UBR1: variants seen among roughly 807,000 people sequenced by gnomAD.
UBR1 encodes ubiquitin protein ligase E3 component n-recognin 1, also known as E3 ubiquitin-protein ligase UBR1.
UBR1 carries 102 observed loss-of-function variants against 242.1 expected under a neutral mutation model. The ratio of observed to expected loss-of-function variants is 0.42; its 90% CI spans 0.36 to 0.50. The LOEUF (loss-of-function observed/expected upper bound fraction) is 0.50, where lower values mean the gene tolerates loss of function less well. Among genes scored for constraint, UBR1 ranks in the 20% least tolerant of loss-of-function variants. The pLI, the probability that UBR1 is intolerant of heterozygous loss-of-function variation, is 0.01. For synonymous variants in UBR1, 675 were observed against 684.8 expected (o/e 0.99, Z 0.22); for missense variants, 1,772 against 2,101.8 (o/e 0.84, Z 3.07).
intron 3 of UBR1, among the ~76,000 whole-genome samples, chr15:43,076,396 C>G (rs544142510): frequency 1.3e-5 from 2 of 152,060 alleles, no homozygotes; most frequent in East Asian, 3.9e-4. Flanking sequence ...TCTGCACGGC[C>G]GCCACCCCGT....
intron 34 of UBR1, 22 bp from the exon 35 acceptor site, chr15:42,988,989 T>G: frequency 6.3e-7 from 1 of 1,577,216 alleles, no homozygotes; most frequent in Non-Finnish European, 8.7e-7. Context: ...ACAAGAAAAT[T>G]TGTATGATTT....
intron 12 of UBR1, among the ~76,000 whole-genome samples, chr15:43,049,603 A>G (rs1355342008): frequency 6.6e-6 from 1 of 152,136 alleles, no homozygotes; most frequent in Admixed American, 6.5e-5. Context: ...AACAAAGAAA[A>G]TACATTTTTT....
intron 33 of UBR1, among the ~76,000 whole-genome samples, chr15:42,996,845 C>T (rs151198381): frequency 1.3e-5 from 2 of 152,122 alleles, no homozygotes; most frequent in African/African-American, 2.4e-5. Context: ...GAGTAGAATA[C>T]CTAGAAATAT....
intron 44 of UBR1, among the ~76,000 whole-genome samples, chr15:42,953,823 T>G (rs2031872815): frequency 6.6e-6 from 1 of 152,016 alleles, no homozygotes; most frequent in Admixed American, 6.6e-5. Flanking sequence ...ATCCTCATTG[T>G]GATTAATAAA....
intron 15 of UBR1, among the ~76,000 whole-genome samples, chr15:43,039,424 T>C (rs1199662166): frequency 3.3e-5 from 5 of 152,172 alleles, no homozygotes; most frequent in Non-Finnish European, 7.3e-5. Flanking sequence ...CTAGGTATTT[T>C]ATTCTCTTTG....
Position 42,962,350 on chromosome 15 carries a change from T to C in UBR1, c.4700+1585A>G, listed in dbSNP as rs77089640. On this transcript the variant is annotated intron_variant, in intron 42 of 46. Transcript: ENST00000290650. ...GGAACAAAAGGAAACAGCGGTATCA[T>C]GGAGCCCAGAGGCTAGGGACACCAG... Among the ~76,000 whole-genome samples, 1,306 of 152,266 alleles carry C rather than the reference T, an allele frequency of 8.6e-3. 57 individuals carry two copies. Among genetic ancestry groups the C allele is most frequent in the Admixed American group, 0.071 (1,080 of 15,302 alleles).
intron 1 of UBR1, among the ~76,000 whole-genome samples, chr15:43,097,788 G>C (rs992226620): frequency 2.0e-5 from 3 of 152,192 alleles, no homozygotes; most frequent in Non-Finnish European, 4.4e-5. Context: ...ATTAGGTTTT[G>C]CCTTAAGGGA....
chr15:43,007,081 C>A lies in UBR1; in HGVS notation c.3413G>T (p.Gly1138Val), dbSNP rs1192072036. Reference protein sequence around the residue: ...QHRGKPIELSGEALDPLFMDP... With the variant: ...QHRGKPIELSVEALDPLFMDP... ...GATATTTATTAAATAATACATACCTCCTGAGAGTTCTATGGGTTTTCCCCT... is the reference window on the plus strand; with the variant it reads ...GATATTTATTAAATAATACATACCTACTGAGAGTTCTATGGGTTTTCCCCT... Residue 1138 changes from glycine (G) to valine (V), a missense_variant and splice_region_variant, in exon 30 of 47, where the codon GGA becomes GTA. Transcript: ENST00000290650. 4 of 1,613,990 alleles carry A rather than the reference C, an allele frequency of 2.5e-6. No homozygotes were observed. Among genetic ancestry groups the A allele is most frequent in the Non-Finnish European group, 3.4e-6 (4 of 1,179,922 alleles).
intron 14 of UBR1, among the ~76,000 whole-genome samples, chr15:43,044,395 C>T (rs568467135): frequency 2.6e-5 from 4 of 152,066 alleles, no homozygotes; most frequent in African/African-American, 9.7e-5. Flanking sequence ...AGAATGAACC[C>T]ATAGAAAATA....
intron 1 of UBR1, among the ~76,000 whole-genome samples, chr15:43,089,658 T>C (rs141542121): frequency 2.0e-3 from 299 of 152,286 alleles, no homozygotes; most frequent in African/African-American, 7.0e-3. Flanking sequence ...GGTCTTGAAC[T>C]CTTGGGCTCA....
At chr15:43,034,451 A>C (rs973752821) in intron 19 of UBR1, among the ~76,000 whole-genome samples, 18 of 151,906 alleles carry the variant, frequency 1.2e-4, no homozygotes, top group Non-Finnish European at 1.9e-4. Context: ...AAAACAATTA[A>C]TAAATAAATA....
chr15:42,949,644 C>T (rs2031796095), intron 46 of UBR1, among the ~76,000 whole-genome samples: 1 of 149,990 alleles, frequency 6.7e-6, no homozygotes, highest in Admixed American at 6.6e-5. Context: ...ACTAAAAATA[C>T]AAAAATTAGC....
At position 42,970,389 on chromosome 15, in the gene UBR1, C is replaced by T. The variant is rs2032184220; in HGVS notation, c.4457+131G>A. On this transcript the variant is annotated intron_variant, in intron 40 of 46. Coordinates refer to ENST00000290650, the MANE Select transcript of UBR1 (RefSeq NM_174916.3). ...AATGTAAGACCTAAACCATAAAAAC[C>T]CTACAAGAAAACCTAGGCAATAACT... 1.2e-5 allele frequency: 11 copies of T among 954,108 alleles called. No homozygotes were observed. The East Asian group carries it at 2.7e-4, about 23-fold the overall frequency. The allele number at this position is 954,108 out of a possible 1,614,324, so 59.1% of individuals were successfully genotyped here. A position where few individuals can be genotyped will look rare whatever the true frequency, so the allele number is the denominator to read the frequency against.
At chr15:43,099,569 G>T (rs1226433448) in intron 1 of UBR1, among the ~76,000 whole-genome samples, 1 of 152,092 alleles carries the variant, frequency 6.6e-6, no homozygotes, top group Admixed American at 6.6e-5. Context: ...ACATTTTATT[G>T]TATGTAAATT....
At chr15:42,990,154 A>G (rs370340985) in intron 33 of UBR1, 34 bp from the exon 34 acceptor site, 1 of 1,441,770 alleles carries the variant, frequency 6.9e-7, no homozygotes, top group African/African-American at 1.4e-5. Context: ...AAGAAAAATC[A>G]TGAATGAGTT....
At chr15:43,039,645 C>G (rs557077320) in intron 15 of UBR1, among the ~76,000 whole-genome samples, 14 of 152,176 alleles carry the variant, frequency 9.2e-5, no homozygotes, top group Non-Finnish European at 1.8e-4. Flanking sequence ...TTGACTTCCT[C>G]TTTTCCTAAC....
intron 1 of UBR1, among the ~76,000 whole-genome samples, chr15:43,090,696 C>T (rs2034096039): frequency 6.6e-6 from 1 of 150,990 alleles, no homozygotes; most frequent in Admixed American, 6.6e-5. Flanking sequence ...ATAAGAGGCA[C>T]AGAACTAGCT....
chr15:43,009,823 AATC>A (rs2032890733), intron 29 of UBR1, among the ~76,000 whole-genome samples: 2 of 152,228 alleles, frequency 1.3e-5, no homozygotes, highest in African/African-American at 4.8e-5. Context: ...AATAAATATT[AATC>A]ATCATATATA....
chr15:43,007,196 G>C lies in UBR1; in HGVS notation c.3298C>G (p.Leu1100Val). 6.2e-7 allele frequency: 1 copy of C among 1,614,096 alleles called. No individual in the cohort carries two copies. Among genetic ancestry groups the C allele is most frequent in the African/African-American group, 1.3e-5 (1 of 75,014 alleles). ...TTCACCTCCTGTTCTTCTTGGCAAA[G>C]GATGCACGTCAGCACCTCCTTTTCA... ...VTEKEVLTCI[L>V]CQEEQEVKIE... is the part of the protein sequence containing the mutation. The change falls in exon 30 of 47, where the codon CTT (leucine) becomes GTT (valine). Residue 1100 changes from leucine (L) to valine (V), a missense_variant. Around this residue, in one of 3 missense-constraint regions of UBR1, gnomAD observed 965 missense variants for 1,079.7 expected, o/e 0.89. Coordinates refer to ENST00000290650, the MANE Select transcript of UBR1 (RefSeq NM_174916.3).
Sources: gnomAD v4.1 joint callset for allele counts (sites outside exome capture counted in the v4.1 genomes callset) on GRCh38, gnomAD v4.1.1 for gene constraint, gnomAD v4.1.1 regional missense constraint, MANE v1.5 for transcripts, NCBI Gene and HGNC (gene_info 2026-07-23, HGNC 2026-07-21) for gene names.